The following TMEM132D variants were observed in gnomAD, a reference collection of about 807,000 sequenced individuals.
The protein encoded by TMEM132D is transmembrane protein 132D, also known as mature OL transmembrane protein.
Under a neutral mutation model 62.3 loss-of-function variants are expected in TMEM132D, and 21 were observed. The observed-to-expected ratio is 0.34, with a 90% CI of 0.24 to 0.49. TMEM132D has a LOEUF of 0.49. Among genes scored for constraint, TMEM132D ranks in the 20% least tolerant of loss-of-function variants. The pLI, the probability that TMEM132D is intolerant of heterozygous loss-of-function variation, is 0.99. For synonymous variants in TMEM132D, 621 were observed against 575.6 expected, an observed-to-expected ratio of 1.08 and a Z score of -1.13; for missense variants, 1,346 against 1,402.8, an observed-to-expected ratio of 0.96 and a Z score of 0.65.
At chr12:129,516,177 G>A (rs377270648) in intron 3 of TMEM132D, among the ~76,000 whole-genome samples, 3 of 152,126 alleles carry the variant, frequency 2.0e-5, no homozygotes, top group South Asian at 4.1e-4. Flanking sequence ...CATGGACTTG[G>A]ACTCAGACCC....
intron 3 of TMEM132D, among the ~76,000 whole-genome samples, chr12:129,370,181 C>G (rs905714547): frequency 1.3e-5 from 2 of 152,150 alleles, no homozygotes; most frequent in Admixed American, 1.3e-4. Flanking sequence ...TTAAAAACAC[C>G]ATGCAGGCCA....
intron 2 of TMEM132D, among the ~76,000 whole-genome samples, chr12:129,636,731 TGTGTGTGAGA>T (rs913509076): frequency 4.0e-5 from 5 of 125,622 alleles, no homozygotes; most frequent in African/African-American, 1.6e-4. Flanking sequence ...TGTGTGTGTG[TGTGTGTGAGA>T]GAGAGAGAGA....
intron 1 of TMEM132D, among the ~76,000 whole-genome samples, chr12:129,707,439 T>C (rs951124363): frequency 7.2e-5 from 11 of 152,126 alleles, no homozygotes; most frequent in African/African-American, 2.4e-4. Context: ...CAAGTAAAAG[T>C]TAAAATCCAA....
At chr12:129,149,506 C>G (rs1877011754) in intron 5 of TMEM132D, among the ~76,000 whole-genome samples, 3 of 152,332 alleles carry the variant, frequency 2.0e-5, no homozygotes, top group East Asian at 1.9e-4. Context: ...TAGAAAACAA[C>G]TCATCGGACA....
At chr12:129,354,402 C>T (rs538672789) in intron 3 of TMEM132D, among the ~76,000 whole-genome samples, 44 of 151,948 alleles carry the variant, frequency 2.9e-4, no homozygotes, top group African/African-American at 6.8e-4. Flanking sequence ...TAGCTTACTG[C>T]AACCTCCACC....
intron 4 of TMEM132D, among the ~76,000 whole-genome samples, 188 bp downstream of exon 4, chr12:129,337,432 TACACACACGCACAC>T (rs1259888532): frequency 3.0e-4 from 33 of 109,718 alleles, no homozygotes; most frequent in Non-Finnish European, 5.2e-4. Flanking sequence ...TAGATATAGA[TACACACACGCACAC>T]ACACACACAC....
chr12:129,679,321 T>A (rs76380486), intron 2 of TMEM132D, among the ~76,000 whole-genome samples: 2,009 of 152,214 alleles, frequency 0.013, 52 homozygotes, highest in African/African-American at 0.044. Flanking sequence ...AATCAAGATA[T>A]GTTTTGTATT....
At chr12:129,359,862 A>AT (rs1487292807) in intron 3 of TMEM132D, among the ~76,000 whole-genome samples, 2 of 152,174 alleles carry the variant, frequency 1.3e-5, no homozygotes, top group African/African-American at 4.8e-5. Context: ...AGGCACTGGA[A>AT]TAAAAATTGC....
chr12:129,809,585 T>G (rs1872105198), intron 1 of TMEM132D, among the ~76,000 whole-genome samples: 1 of 152,190 alleles, frequency 6.6e-6, no homozygotes, highest in South Asian at 2.1e-4. Flanking sequence ...ATCCTCAACA[T>G]TATCAAGTCC....
intron 2 of TMEM132D, among the ~76,000 whole-genome samples, chr12:129,618,114 G>A (rs998643475): frequency 2.0e-5 from 3 of 152,124 alleles, no homozygotes; most frequent in African/African-American, 7.2e-5. Context: ...AGAGCCTGGA[G>A]GCGTAAAATT....
At chr12:129,286,885 T>C (rs1040094051) in intron 4 of TMEM132D, among the ~76,000 whole-genome samples, 4 of 152,014 alleles carry the variant, frequency 2.6e-5, no homozygotes, top group Admixed American at 2.6e-4. Context: ...CCGTCTCTAC[T>C]AAAAATACAA....
At chr12:129,120,100 A>G (rs1438114797) in intron 5 of TMEM132D, among the ~76,000 whole-genome samples, 1 of 152,198 alleles carries the variant, frequency 6.6e-6, no homozygotes, top group African/African-American at 2.4e-5. Flanking sequence ...GCTTGATCAC[A>G]TGAATCCTGG....
rs563294356 is a variant in TMEM132D at position 129,628,920 on chromosome 12, ATCTC to A, written c.968+70886_968+70889del. ...TCCCCATCTTCCTTCCTTCATTTCT[ATCTC>A]TCTTTCTCTCTCTCTCCTCTCTTTC... On this transcript the variant is annotated intron_variant, in intron 2 of 8. Coordinates refer to ENST00000422113, the MANE Select transcript of TMEM132D (RefSeq NM_133448.3). Among the ~76,000 whole-genome samples the A allele has an allele frequency of 2.2e-3, 313 of 140,758 alleles. 1 individual carries two copies. Among genetic ancestry groups the A allele is most frequent in the South Asian group, 5.1e-3 (22 of 4,298 alleles). The allele number at this position is 140,758 out of a possible 152,430, so 92.3% of individuals were successfully genotyped here.
Position 129,152,736 on chromosome 12 carries a change from C to T in TMEM132D, c.1443+56784G>A, listed in dbSNP as rs140660254. 2.6e-5 allele frequency among the ~76,000 whole-genome samples: 4 copies of T among 152,296 alleles called. No homozygotes were observed. The East Asian group carries it at 5.8e-4, about 22-fold the overall frequency. ...TAGAGATTATTTCCTGGATGCCTGA[C>T]ATTGTTGGTCATTTGCCCTCACGTT... is the stretch of plus-strand genomic sequence containing the variant. On this transcript the variant is annotated intron_variant, in intron 5 of 8. Coordinates refer to ENST00000422113, the MANE Select transcript of TMEM132D (RefSeq NM_133448.3).
At position 129,699,794 on chromosome 12, in the gene TMEM132D, T is replaced by G. The variant is rs199604719; in HGVS notation, c.968+16A>C. ...ATCGACGGGCGGGTACAGACAGACA[T>G]TGGGAAACGACTTACCTCAACGTGA... On this transcript the variant is annotated intron_variant, in intron 2 of 8. Transcript: ENST00000422113. The G allele has an allele frequency of 1.2e-6, 2 of 1,611,704 alleles. No homozygotes were observed. The highest frequency in any genetic ancestry group is 1.7e-6 in the Non-Finnish European group (2 of 1,178,374).
intron 2 of TMEM132D, among the ~76,000 whole-genome samples, chr12:129,653,877 G>A (rs539712566): frequency 5.5e-4 from 84 of 152,182 alleles, no homozygotes; most frequent in Non-Finnish European, 8.4e-4. Flanking sequence ...CATTATTCAC[G>A]TTTCTTCCAT....
chr12:129,075,132 A>G (rs1247802695), intron 8 of TMEM132D, 73 bp from the exon 9 acceptor site: 2 of 1,260,864 alleles, frequency 1.6e-6, no homozygotes, highest in Non-Finnish European at 2.2e-6. Context: ...AGTACAGTAG[A>G]CACACAACGG....
chr12:129,232,397 G>A (rs999672887), intron 4 of TMEM132D, among the ~76,000 whole-genome samples: 40 of 152,130 alleles, frequency 2.6e-4, no homozygotes, highest in African/African-American at 9.4e-4. Context: ...ATACAATGAT[G>A]GTGCCATAAA....
chr12:129,625,686 C>T (rs569720218), intron 2 of TMEM132D, among the ~76,000 whole-genome samples: 77 of 152,318 alleles, frequency 5.1e-4, no homozygotes, highest in African/African-American at 1.8e-3. Flanking sequence ...ACTAGTCAAA[C>T]ATGAGGCATT....
Sources: allele counts gnomAD v4.1 joint callset (sites outside exome capture counted in the v4.1 genomes callset), GRCh38; gene constraint gnomAD v4.1.1; transcripts MANE v1.5; gene names NCBI Gene and HGNC (gene_info 2026-07-23, HGNC 2026-07-21).